Variants in ZSWIM6 observed in about 807,000 individuals in gnomAD.
The protein encoded by ZSWIM6 is zinc finger SWIM-type containing 6, also known as zinc finger SWIM domain-containing protein 6.
In ZSWIM6, 9 loss-of-function variants were observed where a neutral mutation model predicts 113.2. That is an observed-to-expected ratio of 0.08 (90% CI 0.05 to 0.14). The LOEUF (loss-of-function observed/expected upper bound fraction) is 0.14, where lower values mean the gene tolerates loss of function less well. Among genes scored for constraint, ZSWIM6 ranks in the 10% least tolerant of loss-of-function variants. The probability of loss-of-function intolerance (pLI) is 1.00; values close to 1 mark genes in which losing one functional copy is unlikely to be tolerated. For synonymous variants in ZSWIM6, 611 were observed against 606.5 expected (o/e 1.01, Z -0.11); for missense variants, 1,162 against 1,552.2 (o/e 0.75, Z 4.22).
intron 4 of ZSWIM6, among the ~76,000 whole-genome samples, chr5:61,496,237 G>A (rs899573936): frequency 8.6e-5 from 13 of 151,980 alleles, no homozygotes; most frequent in African/African-American, 3.1e-4. Flanking sequence ...ACAACTTCTC[G>A]TCCTGTGTGC....
chr5:61,427,365 T>C (rs1375066564), intron 1 of ZSWIM6, among the ~76,000 whole-genome samples: 25 of 152,252 alleles, frequency 1.6e-4, no homozygotes, highest in Non-Finnish European at 1.5e-5. Flanking sequence ...GGGTTACTTA[T>C]AATACCTAAT....
chr5:61,428,948 G>T (rs1172779062), intron 1 of ZSWIM6, among the ~76,000 whole-genome samples: 1 of 152,154 alleles, frequency 6.6e-6, no homozygotes, highest in Non-Finnish European at 1.5e-5. Context: ...GGGGAAGAGG[G>T]AACACTGTAA....
rs370018962 is a variant in ZSWIM6, at chr5:61,511,492, A to AC, written c.1334-9767dup. Among the ~76,000 whole-genome samples the AC allele has an allele frequency of 6.4e-3, 975 of 152,184 alleles. 8 individuals are homozygous for AC. The highest frequency in any genetic ancestry group is 0.02 in the African/African-American group (845 of 41,530). On this transcript the variant is annotated intron_variant, in intron 4 of 13. Coordinates refer to ENST00000252744, the MANE Select transcript of ZSWIM6 (RefSeq NM_020928.2). ...CCAAATTTTTTATGTTGAAATTCTA[A>AC]CCCCAAGGTGATGGCATTAGGAGTT...
chr5:61,375,288 T>G, intron 1 of ZSWIM6: 1 of 1,611,054 alleles, frequency 6.2e-7, no homozygotes, highest in Non-Finnish European at 8.5e-7. Context: ...AGGCTTTGGC[T>G]GAATTTGAAG....
In ZSWIM6 at chr5:61,543,706, G is replaced by A. The variant is rs1398970127; in HGVS notation, c.3037G>A (p.Ala1013Thr). Residue 1013 changes from alanine to threonine, a missense_variant, in exon 14 of 14, where the codon GCG (alanine) becomes ACG (threonine). Transcript: ENST00000252744. The surrounding 1 kb of genome is among the most constrained non-coding windows in gnomAD (Gnocchi z 4.3). ...AAAGGATCACATAGCTTTTGAGACG[G>A]CGTACCAAATTGTTCTCGACGCTGC... The part of the protein sequence containing the change: ...CEKDHIAFET[A>T]YQIVLDAATT... The A allele has an allele frequency of 6.4e-7, 1 of 1,551,650 alleles. No individual in the cohort carries two copies. The highest frequency in any genetic ancestry group is 1.7e-4 in the Middle Eastern group (1 of 5,992).
At chr5:61,489,285 C>T (rs992154361) in intron 2 of ZSWIM6, among the ~76,000 whole-genome samples, 1 of 151,960 alleles carries the variant, frequency 6.6e-6, no homozygotes, top group Non-Finnish European at 1.5e-5. Context: ...CCTAGCAATC[C>T]AAGGCCCAGT....
intron 1 of ZSWIM6, among the ~76,000 whole-genome samples, chr5:61,373,207 A>G (rs189468360): frequency 6.6e-6 from 1 of 151,970 alleles, no homozygotes; most frequent in Admixed American, 6.6e-5. Context: ...TTGGCCTTCC[A>G]AAGTGCTTGG....
At chr5:61,340,040 A>G (rs1408086138) in intron 1 of ZSWIM6, among the ~76,000 whole-genome samples, 7 of 152,232 alleles carry the variant, frequency 4.6e-5, no homozygotes, top group Non-Finnish European at 8.8e-5. Context: ...TCTGTTAGAT[A>G]AAAACCTGGT....
intron 1 of ZSWIM6, among the ~76,000 whole-genome samples, chr5:61,366,096 T>C (rs1745144317): frequency 6.6e-6 from 1 of 152,162 alleles, no homozygotes; most frequent in Admixed American, 6.5e-5. Flanking sequence ...GGTTTCACCA[T>C]GTTGCCCAGT....
intron 1 of ZSWIM6, among the ~76,000 whole-genome samples, chr5:61,420,775 A>G (rs1180628249): frequency 1.3e-5 from 2 of 152,206 alleles, no homozygotes; most frequent in African/African-American, 4.8e-5. Flanking sequence ...GGTAAATGGC[A>G]TATCAATCAC....
At chr5:61,481,324 A>AAGT (rs1747857265) in intron 2 of ZSWIM6, among the ~76,000 whole-genome samples, 1 of 152,158 alleles carries the variant, frequency 6.6e-6, no homozygotes, top group South Asian at 2.1e-4. Context: ...TAACACCTAT[A>AAGT]AGTAACTGTA....
chr5:61,485,957 TTTTG>T (rs1292125812), intron 2 of ZSWIM6, among the ~76,000 whole-genome samples: 1 of 152,194 alleles, frequency 6.6e-6, no homozygotes, highest in Non-Finnish European at 1.5e-5. Flanking sequence ...TTTATATGTA[TTTTG>T]TTTATTATCA....
chr5:61,488,772 T>C (rs1748097011), intron 2 of ZSWIM6, among the ~76,000 whole-genome samples: 1 of 152,024 alleles, frequency 6.6e-6, no homozygotes, highest in South Asian at 2.1e-4. Context: ...TATACTTTTA[T>C]TCTCCTTGAT....
rs397881994 is a variant in ZSWIM6 at position 61,431,372 on chromosome 5, C to CAA, written c.677-41284_677-41283dup. Among the ~76,000 whole-genome samples, 177 of 44,526 alleles carry CAA rather than the reference C, an allele frequency of 4.0e-3. 3 individuals are homozygous for CAA. The highest frequency in any genetic ancestry group is 8.3e-3 in the African/African-American group (78 of 9,432). 29.2% of individuals were successfully genotyped at this position (44,526 alleles called of 152,430 possible). A position where few individuals can be genotyped will look rare whatever the true frequency, so the allele number is the denominator to read the frequency against. On this transcript the variant is annotated intron_variant, in intron 1 of 13. Coordinates refer to ENST00000252744, the MANE Select transcript of ZSWIM6 (RefSeq NM_020928.2). ...TGGCGACAGAGCAAGACTCCATCTC[C>CAA]AAAAAAAAAAAAAAAAAAAAAAAAA...
At chr5:61,480,764 G>A (rs1181564547) in intron 2 of ZSWIM6, among the ~76,000 whole-genome samples, 1 of 152,080 alleles carries the variant, frequency 6.6e-6, no homozygotes, top group Non-Finnish European at 1.5e-5. Context: ...TTTTGAGTCT[G>A]AGTCGCTAAA....
intron 1 of ZSWIM6, among the ~76,000 whole-genome samples, chr5:61,408,792 C>CA (rs1003151836): frequency 6.6e-6 from 1 of 152,254 alleles, no homozygotes; most frequent in African/African-American, 2.4e-5. Flanking sequence ...CGAAGCTTCC[C>CA]ACCAGTGGGT....
intron 4 of ZSWIM6, among the ~76,000 whole-genome samples, chr5:61,504,658 C>T (rs959546187): frequency 1.3e-5 from 2 of 152,182 alleles, no homozygotes; most frequent in Non-Finnish European, 2.9e-5. Flanking sequence ...GGACCATCAG[C>T]ACTCTATACT....
At chr5:61,462,388 A>G (rs1464892953) in intron 1 of ZSWIM6, among the ~76,000 whole-genome samples, 2 of 152,254 alleles carry the variant, frequency 1.3e-5, no homozygotes, top group African/African-American at 4.8e-5. Context: ...GATTAAAACT[A>G]AAAGTTATTT....
intron 1 of ZSWIM6, among the ~76,000 whole-genome samples, chr5:61,385,114 G>A (rs975377851): frequency 6.6e-6 from 1 of 152,164 alleles, no homozygotes; most frequent in Non-Finnish European, 1.5e-5. Flanking sequence ...TAAGTGGTCT[G>A]TGCAGCCCCT....
Sources: gnomAD v4.1 joint callset for allele counts (sites outside exome capture counted in the v4.1 genomes callset) on GRCh38, gnomAD v4.1.1 for gene constraint, Gnocchi (gnomAD v3.1) non-coding constraint, MANE v1.5 for transcripts, NCBI Gene and HGNC (gene_info 2026-07-23, HGNC 2026-07-21) for gene names.